ESRRG: variants seen among roughly 807,000 people sequenced by gnomAD.
ESRRG encodes estrogen-related receptor gamma.
In ESRRG, 13 loss-of-function variants were observed where a neutral mutation model predicts 44.0. That is an observed-to-expected ratio of 0.30 (90% CI 0.19 to 0.47). ESRRG has a LOEUF of 0.47. Among genes scored for constraint, ESRRG ranks in the 20% least tolerant of loss-of-function variants. The pLI, the probability that ESRRG is intolerant of heterozygous loss-of-function variation, is 1.00. For missense variants in ESRRG, 395 were observed against 580.6 expected (o/e 0.68, Z 3.29); for synonymous variants, 215 against 214.6 (o/e 1.00, Z -0.02).
chr1:217,072,883 TA>T (rs2090745378), intron 1 of ESRRG, among the ~76,000 whole-genome samples: 1 of 152,144 alleles, frequency 6.6e-6, no homozygotes, highest in African/African-American at 2.4e-5. Context: ...ATTTCATCTC[TA>T]GCCTGCTACT....
At chr1:216,934,194 G>A (rs1308507219) in intron 2 of ESRRG, among the ~76,000 whole-genome samples, 2 of 152,148 alleles carry the variant, frequency 1.3e-5, no homozygotes, top group Non-Finnish European at 2.9e-5. Flanking sequence ...AGCACTTTAG[G>A]AGGCTGAGGT....
At chr1:217,122,194 T>C (rs1446580039) in intron 1 of ESRRG, among the ~76,000 whole-genome samples, 3 of 152,188 alleles carry the variant, frequency 2.0e-5, no homozygotes, top group Non-Finnish European at 4.4e-5. Flanking sequence ...ATATGCTAAA[T>C]AATATAGACT....
chr1:216,547,564 G>A (rs1482160968), intron 5 of ESRRG, among the ~76,000 whole-genome samples: 4 of 152,036 alleles, frequency 2.6e-5, no homozygotes, highest in Non-Finnish European at 4.4e-5. Flanking sequence ...ACATCACCCT[G>A]TCAATGGTGC....
At chr1:216,596,359 A>G (rs74141618) in intron 3 of ESRRG, among the ~76,000 whole-genome samples, 3,279 of 152,332 alleles carry the variant, frequency 0.022, 111 homozygotes, top group African/African-American at 0.075. Context: ...GCCACTGCCC[A>G]GCTTCAGAGA....
At chr1:217,020,785 T>C (rs1350790408) in intron 1 of ESRRG, among the ~76,000 whole-genome samples, 2 of 152,212 alleles carry the variant, frequency 1.3e-5, no homozygotes, top group Admixed American at 1.3e-4. Context: ...TGGAAAATTA[T>C]GAAGCTACGT....
At chr1:217,053,492 A>AGAAG (rs2086514592) in intron 1 of ESRRG, among the ~76,000 whole-genome samples, 1 of 151,342 alleles carries the variant, frequency 6.6e-6, no homozygotes, top group South Asian at 2.1e-4. Context: ...AAAGAAAGAA[A>AGAAG]GAAAGAAATG....
rs1030726188 is a variant in ESRRG, at chr1:216,534,924, A to G, written c.863-15503T>C. 4.5e-4 allele frequency among the ~76,000 whole-genome samples: 68 copies of G among 152,114 alleles called. 1 individual carries two copies. Among genetic ancestry groups the G allele is most frequent in the Admixed American group, 6.6e-5 (1 of 15,262 alleles). ...CTTGTCTGCAATGTGGCTTATCCCA[A>G]AGGAAAAGCCCATCAGTGGGTCAAT... is the stretch of plus-strand genomic sequence containing the variant. On this transcript the variant is annotated intron_variant, in intron 5 of 6. Transcript: ENST00000408911.
intron 1 of ESRRG, among the ~76,000 whole-genome samples, chr1:216,993,972 G>T (rs950823707): frequency 6.6e-6 from 1 of 152,086 alleles, no homozygotes; most frequent in Non-Finnish European, 1.5e-5. Context: ...GATGAAAACA[G>T]GAGCCAATGT....
intron 1 of ESRRG, among the ~76,000 whole-genome samples, chr1:216,719,828 G>T (rs2085807641): frequency 6.6e-6 from 1 of 152,018 alleles, no homozygotes; most frequent in African/African-American, 2.4e-5. Context: ...AAATAAAGCA[G>T]CAGTGCCATA....
At chr1:216,733,512 T>C (rs1159452599) in intron 2 of ESRRG, among the ~76,000 whole-genome samples, 1 of 152,190 alleles carries the variant, frequency 6.6e-6, no homozygotes, top group Non-Finnish European at 1.5e-5. Context: ...TTTCAAGATG[T>C]AAAGAAAGTA....
chr1:216,684,483 C>A (rs1181772081), intron 1 of ESRRG, among the ~76,000 whole-genome samples: 1 of 152,100 alleles, frequency 6.6e-6, no homozygotes, highest in Non-Finnish European at 1.5e-5. Flanking sequence ...ACTGACAAAT[C>A]AATAAAACTG....
At chr1:216,831,154 G>A (rs781085850) in intron 2 of ESRRG, among the ~76,000 whole-genome samples, 4 of 152,024 alleles carry the variant, frequency 2.6e-5, no homozygotes, top group East Asian at 1.9e-4. Flanking sequence ...TATTTCAAAG[G>A]GGGGAGGGGA....
chr1:216,797,207 C>G (rs542701877), intron 2 of ESRRG, among the ~76,000 whole-genome samples: 1 of 152,000 alleles, frequency 6.6e-6, no homozygotes, highest in Non-Finnish European at 1.5e-5. Flanking sequence ...GTTAACATCT[C>G]GCATTAGGAT....
intron 1 of ESRRG, among the ~76,000 whole-genome samples, chr1:217,067,039 A>T (rs918118037): frequency 6.6e-6 from 1 of 152,230 alleles, no homozygotes; most frequent in African/African-American, 2.4e-5. Flanking sequence ...CTTGGCACTA[A>T]CAAGTTACGG....
intron 1 of ESRRG, among the ~76,000 whole-genome samples, chr1:217,021,795 G>A (rs1210679314): frequency 6.6e-6 from 1 of 152,170 alleles, no homozygotes; most frequent in African/African-American, 2.4e-5. Flanking sequence ...ACTACACTTA[G>A]CATCCTTTGT....
intron 3 of ESRRG, among the ~76,000 whole-genome samples, chr1:216,591,480 G>A (rs2057657633): frequency 6.6e-6 from 1 of 152,100 alleles, no homozygotes; most frequent in African/African-American, 2.4e-5. Context: ...ATACCCAGTT[G>A]GTGCCTAGAG....
intron 2 of ESRRG, among the ~76,000 whole-genome samples, chr1:216,733,456 G>A (rs541015886): frequency 6.6e-5 from 10 of 152,154 alleles, no homozygotes; most frequent in African/African-American, 4.8e-5. Flanking sequence ...CTTCATTGCC[G>A]TCATTGAGCA....
At chr1:217,098,795 T>C (rs1398973641) in intron 1 of ESRRG, among the ~76,000 whole-genome samples, 3 of 152,216 alleles carry the variant, frequency 2.0e-5, no homozygotes, top group Non-Finnish European at 4.4e-5. Flanking sequence ...AAACCACTTT[T>C]AACTCAGCAT....
intron 1 of ESRRG, among the ~76,000 whole-genome samples, chr1:217,086,032 A>C (rs1463666786): frequency 6.6e-6 from 1 of 152,212 alleles, no homozygotes; most frequent in Admixed American, 6.5e-5. Flanking sequence ...GTCCCGGTAC[A>C]TTATTTTGAC....
Sources: gnomAD v4.1 joint callset for allele counts (sites outside exome capture counted in the v4.1 genomes callset) on GRCh38, gnomAD v4.1.1 for gene constraint, MANE v1.5 for transcripts, NCBI Gene and HGNC (gene_info 2026-07-23, HGNC 2026-07-21) for gene names.